MARCHF1: variants seen among roughly 807,000 people sequenced by gnomAD.
The protein encoded by MARCHF1 is membrane associated ring-CH-type finger 1, also known as E3 ubiquitin-protein ligase MARCHF1.
In MARCHF1, 40 loss-of-function variants were observed where a neutral mutation model predicts 54.2. The observed-to-expected ratio is 0.74, with a 90% CI of 0.57 to 0.96. The LOEUF (loss-of-function observed/expected upper bound fraction) is 0.96. MARCHF1 is among the 40% of genes least tolerant of loss of function. The pLI is 0.00. For missense variants in MARCHF1, 586 were observed against 656.5 expected (o/e 0.89, Z 1.17); for synonymous variants, 236 against 236.3 (o/e 1.00, Z 0.01).
At chr4:163,807,359 A>G (rs979891929) in intron 4 of MARCHF1, among the ~76,000 whole-genome samples, 3 of 152,226 alleles carry the variant, frequency 2.0e-5, no homozygotes, top group Non-Finnish European at 4.4e-5. Flanking sequence ...TACTCTTTCT[A>G]TGGGTATGTA....
At position 163,675,664 on chromosome 4, in the gene MARCHF1, C is replaced by T. The variant is rs187220776; in HGVS notation, c.162+25149G>A. 2.8e-3 allele frequency among the ~76,000 whole-genome samples: 424 copies of T among 152,072 alleles called. 2 individuals are homozygous for T. Among genetic ancestry groups the T allele is most frequent in the African/African-American group, 9.5e-3 (394 of 41,476 alleles). On this transcript the variant is annotated intron_variant, in intron 5 of 9. Transcript: ENST00000514618. ...AGATAGATATTAGTAAATTAGTGAA[C>T]TTAAGTAAATTTGGTCATGATTTGT...
At chr4:164,337,494 AC>A (rs901354059) in intron 1 of MARCHF1, among the ~76,000 whole-genome samples, 25 of 152,284 alleles carry the variant, frequency 1.6e-4, no homozygotes, top group Admixed American at 1.4e-3. Context: ...TATCTTTCTC[AC>A]CCAAAATACT....
At chr4:163,857,682 A>G (rs549634499) in intron 3 of MARCHF1, among the ~76,000 whole-genome samples, 163 of 152,352 alleles carry the variant, frequency 1.1e-3, no homozygotes, top group Admixed American at 2.0e-3. Flanking sequence ...ATTCTCTGCG[A>G]ACTACATTGA....
chr4:163,524,713 A>G (rs1004721330), downstream of MARCHF1: 4 of 152,242 alleles, frequency 2.6e-5, no homozygotes, highest in Non-Finnish European at 5.9e-5. Flanking sequence ...TGTGGAAACC[A>G]CAACTAAGGT....
At position 164,073,036 on chromosome 4, in the gene MARCHF1, G is replaced by A. The variant is rs565946911; in HGVS notation, c.-248+38552C>T. Among the ~76,000 whole-genome samples, 10 of 152,244 alleles carry A rather than the reference G, an allele frequency of 6.6e-5. No homozygotes were observed. In the South Asian group the frequency reaches 1.5e-3, roughly 22 times the overall value. On this transcript the variant is annotated intron_variant, in intron 2 of 9. Transcript: ENST00000514618. ...TGAGTTTTAAAAAATGGTAGAATTCGCATAGTCAGAAGGAGAGAAGAAATT... is the reference window on the plus strand; with the variant it reads ...TGAGTTTTAAAAAATGGTAGAATTCACATAGTCAGAAGGAGAGAAGAAATT...
Position 163,911,471 on chromosome 4 carries a change from A to G in MARCHF1, c.-38-57302T>C, listed in dbSNP as rs141083516. Among the ~76,000 whole-genome samples the G allele has an allele frequency of 1.7e-4, 26 of 152,334 alleles. No homozygotes were observed. The East Asian group carries it at 4.6e-3, about 27-fold the overall frequency. The stretch of plus-strand genomic sequence containing the variant: ...AAGTTCTACAAGGCCTGAGGTGTCC[A>G]CATATCTAAGCCAGATCATCTAATC... On this transcript the variant is annotated intron_variant, in intron 3 of 9. Transcript: ENST00000514618.
rs1560923077 is a variant in MARCHF1, at chr4:163,528,070, C to CTAA, written c.*675_*677dup. The stretch of plus-strand genomic sequence containing the variant: ...ACAGTTCTGTGGGTATTTAACAGAG[C>CTAA]TAATTATATCCGAACATTTTCTGAA... On this transcript the variant is annotated 3_prime_UTR_variant, in exon 10 of 10. Transcript: ENST00000514618. The CTAA allele has an allele frequency of 6.6e-6, 1 of 152,366 alleles. No individual in the cohort carries two copies. Among genetic ancestry groups the CTAA allele is most frequent in the African/African-American group, 2.4e-5 (1 of 41,366 alleles). 9.4% of individuals were successfully genotyped at this position (152,366 alleles called of 1,614,324 possible).
At chr4:163,923,878 A>G (rs1751483168) in intron 3 of MARCHF1, among the ~76,000 whole-genome samples, 1 of 151,410 alleles carries the variant, frequency 6.6e-6, no homozygotes, top group Non-Finnish European at 1.5e-5. Flanking sequence ...TCATTTTGTG[A>G]TAGGTGATGA....
At chr4:163,776,887 T>G (rs951744236) in intron 4 of MARCHF1, among the ~76,000 whole-genome samples, 1 of 152,186 alleles carries the variant, frequency 6.6e-6, no homozygotes, top group Non-Finnish European at 1.5e-5. Context: ...ATTAAAAAGG[T>G]AATTGTGAGA....
intron 3 of MARCHF1, among the ~76,000 whole-genome samples, chr4:163,854,697 GTATAATAAATTAAGTA>G (rs1749725943): frequency 6.6e-6 from 1 of 152,074 alleles, no homozygotes; most frequent in Non-Finnish European, 1.5e-5. Context: ...TTTACTGCAA[GTATAATAAATTAAGTA>G]TATGACATCT....
At position 164,021,899 on chromosome 4, in the gene MARCHF1, T is replaced by C. The variant is rs28510421; in HGVS notation, c.-247-33190A>G. On this transcript the variant is annotated intron_variant, in intron 2 of 9. Transcript: ENST00000514618. ...TATATATATATGGTCCATTTTTAGT[T>C]AGCTTTACATATGGTGTGAAATACA... 1.9e-3 allele frequency among the ~76,000 whole-genome samples: 289 copies of C among 151,750 alleles called. 2 individuals carry two copies. Among genetic ancestry groups the C allele is most frequent in the African/African-American group, 6.9e-3 (287 of 41,470 alleles).
At chr4:164,202,702 T>C (rs1731487157) in intron 1 of MARCHF1, among the ~76,000 whole-genome samples, 1 of 152,090 alleles carries the variant, frequency 6.6e-6, no homozygotes, top group South Asian at 2.1e-4. Flanking sequence ...TGCTTTATAA[T>C]TTGCTAGTTC....
At chr4:164,290,487 T>G (rs555668553) in intron 1 of MARCHF1, among the ~76,000 whole-genome samples, 1 of 152,048 alleles carries the variant, frequency 6.6e-6, no homozygotes, top group African/African-American at 2.4e-5. Flanking sequence ...TTCACAACTT[T>G]GGTGATGTCA....
At chr4:164,267,263 C>T (rs1219547529) in intron 1 of MARCHF1, among the ~76,000 whole-genome samples, 4 of 152,064 alleles carry the variant, frequency 2.6e-5, no homozygotes, top group Non-Finnish European at 4.4e-5. Context: ...GTATTTATAC[C>T]CTTATATAAT....
At chr4:164,042,459 T>G (rs1171046555) in intron 2 of MARCHF1, among the ~76,000 whole-genome samples, 1 of 151,982 alleles carries the variant, frequency 6.6e-6, no homozygotes, top group Admixed American at 6.6e-5. Flanking sequence ...CCACAAAGTT[T>G]TAAACAAACA....
chr4:164,085,768 G>A (rs1755181077), intron 2 of MARCHF1, among the ~76,000 whole-genome samples: 1 of 151,768 alleles, frequency 6.6e-6, no homozygotes, highest in African/African-American at 2.4e-5. Context: ...CAATATGTGT[G>A]CAACAATTGT....
intron 1 of MARCHF1, among the ~76,000 whole-genome samples, chr4:164,150,992 C>T (rs1293679627): frequency 6.6e-6 from 1 of 152,082 alleles, no homozygotes; most frequent in African/African-American, 2.4e-5. Flanking sequence ...AAAGTCTCGA[C>T]TGGCCATTGC....
At chr4:164,333,305 T>C (rs1415124066) in intron 1 of MARCHF1, among the ~76,000 whole-genome samples, 2 of 152,256 alleles carry the variant, frequency 1.3e-5, no homozygotes, top group Non-Finnish European at 2.9e-5. Context: ...CTTCACTTTA[T>C]TGCACTTTAC....
intron 1 of MARCHF1, among the ~76,000 whole-genome samples, chr4:164,233,455 T>A (rs1732469423): frequency 6.6e-6 from 1 of 152,170 alleles, no homozygotes; most frequent in Admixed American, 6.6e-5. Flanking sequence ...AAAATTTGTC[T>A]TCATGGCTGG....
Sources: allele counts gnomAD v4.1 joint callset (sites outside exome capture counted in the v4.1 genomes callset), GRCh38; gene constraint gnomAD v4.1.1; transcripts MANE v1.5; gene names NCBI Gene and HGNC (gene_info 2026-07-23, HGNC 2026-07-21).